Variants in MALRD1 observed in about 807,000 individuals in gnomAD.
MALRD1 encodes the protein MAM and LDL receptor class A domain containing 1.
MALRD1 carries 247 observed loss-of-function variants against 242.1 expected under a neutral mutation model. The observed-to-expected ratio is 1.02, with a 90% CI of 0.92 to 1.13. The LOEUF is 1.13. MALRD1 is among the 50% of genes most tolerant of loss of function. The pLI is 0.00. For missense variants in MALRD1, 2,989 were observed against 2,533.1 expected (o/e 1.18, Z -3.86); for synonymous variants, 995 against 866.6 (o/e 1.15, Z -2.60).
intron 39 of MALRD1, among the ~76,000 whole-genome samples, chr10:19,732,832 A>C (rs1835350837): frequency 6.6e-6 from 1 of 152,110 alleles, no homozygotes; most frequent in South Asian, 2.1e-4. Context: ...CTGCTTTCAA[A>C]ATGGTTTCCA....
chr10:19,632,191 G>A (rs7906192), intron 36 of MALRD1, among the ~76,000 whole-genome samples: 14,417 of 152,178 alleles, frequency 0.095, 1,759 homozygotes, highest in African/African-American at 0.28. Context: ...AGCTTCTAAT[G>A]AGAACTGGCA....
intron 18 of MALRD1, among the ~76,000 whole-genome samples, chr10:19,247,393 G>A (rs1839107644): frequency 6.6e-6 from 1 of 151,788 alleles, no homozygotes; most frequent in Non-Finnish European, 1.5e-5. Flanking sequence ...GGGTTGCAAG[G>A]GCTTCTGAAG....
intron 36 of MALRD1, among the ~76,000 whole-genome samples, chr10:19,654,520 A>G (rs893178470): frequency 5.3e-5 from 8 of 152,216 alleles, no homozygotes; most frequent in Non-Finnish European, 2.9e-5. Flanking sequence ...CATATTAAAT[A>G]GTGAAGTTGC....
intron 11 of MALRD1, among the ~76,000 whole-genome samples, chr10:19,149,077 CATCTATCTATCTATCTATCTATCT>C (rs10657245): frequency 1.4e-5 from 2 of 143,920 alleles, no homozygotes; most frequent in Admixed American, 1.4e-4. Flanking sequence ...TCTATCTGTC[CATCTATCTATCTATCTATCTATCT>C]ATCTATCTAT....
At chr10:19,705,915 A>C (rs2131858195) in intron 38 of MALRD1, among the ~76,000 whole-genome samples, 1 of 151,558 alleles carries the variant, frequency 6.6e-6, no homozygotes, top group African/African-American at 2.4e-5. Flanking sequence ...CCCTTTTTCC[A>C]GAGATTTCAT....
At chr10:19,178,157 T>A (rs1180762571) in intron 14 of MALRD1, among the ~76,000 whole-genome samples, 3 of 152,178 alleles carry the variant, frequency 2.0e-5, no homozygotes, top group Non-Finnish European at 2.9e-5. Flanking sequence ...TTAAATTCAC[T>A]CAGGATTCAT....
chr10:19,070,709 C>T (rs1489435396), intron 2 of MALRD1, among the ~76,000 whole-genome samples: 4 of 151,600 alleles, frequency 2.6e-5, no homozygotes, highest in African/African-American at 9.7e-5. Flanking sequence ...AGTTCTTTGT[C>T]GTATAATTTT....
intron 14 of MALRD1, 46 bp downstream of exon 14, chr10:19,175,374 G>A (rs549875902): frequency 5.0e-6 from 6 of 1,210,986 alleles, no homozygotes; most frequent in Non-Finnish European, 6.2e-6. Context: ...ATTGAATTAA[G>A]CTCTTCTCAG....
chr10:19,497,002 T>G (rs1837748503), intron 30 of MALRD1, among the ~76,000 whole-genome samples: 1 of 152,148 alleles, frequency 6.6e-6, no homozygotes, highest in Non-Finnish European at 1.5e-5. Flanking sequence ...TTATCCTGAT[T>G]GGATAAATAT....
At chr10:19,080,538 A>G (rs550174821) in intron 2 of MALRD1, among the ~76,000 whole-genome samples, 1 of 152,262 alleles carries the variant, frequency 6.6e-6, no homozygotes, top group Non-Finnish European at 1.5e-5. Flanking sequence ...TATTTAACAA[A>G]TGGTGCTGGG....
At chr10:19,053,571 A>G (rs550374396) in intron 1 of MALRD1, among the ~76,000 whole-genome samples, 1 of 152,326 alleles carries the variant, frequency 6.6e-6, no homozygotes, top group South Asian at 2.1e-4. Flanking sequence ...CAGAATTAAA[A>G]GCAGTTCATT....
chr10:19,069,178 A>G (rs1178636177), intron 2 of MALRD1, among the ~76,000 whole-genome samples: 1 of 152,060 alleles, frequency 6.6e-6, no homozygotes, highest in African/African-American at 2.4e-5. Flanking sequence ...TATTTGAAAA[A>G]TATTTCCCAT....
At chr10:19,341,440 ATATATATATATGTG>A (rs1843846676) in intron 24 of MALRD1, among the ~76,000 whole-genome samples, 2 of 40,672 alleles carry the variant, frequency 4.9e-5, no homozygotes, top group Non-Finnish European at 4.8e-5. Flanking sequence ...CACTATATGT[ATATATATATATGTG>A]TATATATATG....
intron 22 of MALRD1, among the ~76,000 whole-genome samples, chr10:19,324,609 T>TA (rs397707570): frequency 0.043 from 6,466 of 149,436 alleles, 282 homozygotes; most frequent in African/African-American, 0.11. Context: ...ATTTTTTTTT[T>TA]AAAAAAAAAC....
At chr10:19,215,840 A>G (rs1837290000) in intron 18 of MALRD1, among the ~76,000 whole-genome samples, 2 of 51,842 alleles carry the variant, frequency 3.9e-5, no homozygotes, top group South Asian at 6.9e-4. Flanking sequence ...ATAATTTAGT[A>G]TAAATAATAA....
At chr10:19,248,353 G>T (rs1449123025) in intron 18 of MALRD1, among the ~76,000 whole-genome samples, 2 of 150,614 alleles carry the variant, frequency 1.3e-5, no homozygotes, top group African/African-American at 4.9e-5. Flanking sequence ...TCTTGTAAGG[G>T]TCCAAAGTCA....
intron 19 of MALRD1, among the ~76,000 whole-genome samples, chr10:19,258,998 G>A (rs1255299922): frequency 6.6e-6 from 1 of 151,944 alleles, no homozygotes; most frequent in Non-Finnish European, 1.5e-5. Flanking sequence ...CTTTCCCCAT[G>A]GTCCAAGCAA....
chr10:19,624,708 A>G (rs1401828810), intron 36 of MALRD1, among the ~76,000 whole-genome samples: 1 of 151,878 alleles, frequency 6.6e-6, no homozygotes, highest in Non-Finnish European at 1.5e-5. Flanking sequence ...TCTACTAAAA[A>G]TACAAAAATT....
At chr10:19,561,714 A>ATTTT (rs72513837) in intron 32 of MALRD1, among the ~76,000 whole-genome samples, 1 of 149,124 alleles carries the variant, frequency 6.7e-6, no homozygotes. Flanking sequence ...GCCTCTCAGC[A>ATTTT]TTTTTTTTTT....
Sources: allele counts gnomAD v4.1 joint callset (sites outside exome capture counted in the v4.1 genomes callset), GRCh38; gene constraint gnomAD v4.1.1; transcripts MANE v1.5; gene names NCBI Gene and HGNC (gene_info 2026-07-23, HGNC 2026-07-21).